GALNT13: variants seen among roughly 807,000 people sequenced by gnomAD.
GALNT13 encodes UDP-GalNAc:polypeptide N-acetylgalactosaminyltransferase 13.
GALNT13 carries 28 observed loss-of-function variants against 64.2 expected under a neutral mutation model. That is an observed-to-expected ratio of 0.44 (90% CI 0.32 to 0.60). The LOEUF (loss-of-function observed/expected upper bound fraction) is 0.60. Ranked by LOEUF, GALNT13 falls within the 20% of genes least tolerant of loss-of-function variation. GALNT13 has a pLI of 0.05. For synonymous variants in GALNT13, 214 were observed against 224.6 expected, an observed-to-expected ratio of 0.95 and a Z score of 0.42; for missense variants, 577 against 669.8, an observed-to-expected ratio of 0.86 and a Z score of 1.53.
At chr2:153,919,158 T>G (rs915703767) in intron 2 of GALNT13, among the ~76,000 whole-genome samples, 3 of 152,128 alleles carry the variant, frequency 2.0e-5, no homozygotes, top group African/African-American at 7.2e-5. Flanking sequence ...GTGCTTATCT[T>G]TCTTAAAATA....
At chr2:154,245,503 C>A (rs1689732183) in intron 6 of GALNT13, among the ~76,000 whole-genome samples, 1 of 152,130 alleles carries the variant, frequency 6.6e-6, no homozygotes. Context: ...AATCTCAAAG[C>A]AGCTCTACTA....
At chr2:153,195,008 A>T in the GALNT13 span, among the ~76,000 whole-genome samples, 1 of 152,112 alleles carries the variant, frequency 6.6e-6, no homozygotes, top group Non-Finnish European at 1.5e-5. Context: ...CGGGTGGTAT[A>T]TGTTGGCATT....
At position 154,040,383 on chromosome 2, in the gene GALNT13, C is replaced by T. The variant is rs531249752; in HGVS notation, c.142+95744C>T. Among the ~76,000 whole-genome samples, 35 of 140,754 alleles carry T rather than the reference C, an allele frequency of 2.5e-4. 7 individuals are homozygous for T. The South Asian group carries it at 7.9e-3, about 32-fold the overall frequency. The allele number at this position is 140,754 out of a possible 152,430, so 92.3% of individuals were successfully genotyped here. On this transcript the variant is annotated intron_variant, in intron 3 of 12. Transcript: ENST00000392825. Reference sequence around the variant, plus strand: ...TTTTGGTGCACTGAGTAGAATACATCGTGATTATGAAATGTTTTCATTGGG... The same window carrying T: ...TTTTGGTGCACTGAGTAGAATACATTGTGATTATGAAATGTTTTCATTGGG...
At chr2:153,800,311 A>T in the GALNT13 span, among the ~76,000 whole-genome samples, 1 of 152,170 alleles carries the variant, frequency 6.6e-6, no homozygotes, top group Non-Finnish European at 1.5e-5. Context: ...AATAATAAAA[A>T]ATCCTAATGA....
the GALNT13 span, among the ~76,000 whole-genome samples, chr2:153,176,359 G>T: frequency 6.6e-6 from 1 of 152,200 alleles, no homozygotes; most frequent in Non-Finnish European, 1.5e-5. Context: ...AAGGGAGATT[G>T]AAAGAGACAA....
intron 4 of GALNT13, among the ~76,000 whole-genome samples, chr2:154,232,986 A>G (rs1689002907): frequency 6.7e-6 from 1 of 149,794 alleles, no homozygotes; most frequent in Admixed American, 6.7e-5. Flanking sequence ...GTGGCAGTGA[A>G]TCAATATCTT....
the GALNT13 span, among the ~76,000 whole-genome samples, chr2:153,467,233 AT>A: frequency 3.3e-5 from 5 of 152,032 alleles, no homozygotes; most frequent in African/African-American, 1.2e-4. Context: ...GGGCTATATA[AT>A]TGGACAAGTT....
At chr2:153,229,298 A>C in the GALNT13 span, among the ~76,000 whole-genome samples, 2 of 152,196 alleles carry the variant, frequency 1.3e-5, no homozygotes, top group African/African-American at 4.8e-5. Context: ...GAAGCTTGTG[A>C]CATTTGGCCA....
At chr2:154,417,524 T>TATTTATTTA (rs1559143591) in intron 11 of GALNT13, among the ~76,000 whole-genome samples, 4 of 150,060 alleles carry the variant, frequency 2.7e-5, no homozygotes, top group Non-Finnish European at 5.9e-5. Context: ...TTTATTTATT[T>TATTTATTTA]TTTTGAGGCG....
chr2:153,828,103 G>T, the GALNT13 span, among the ~76,000 whole-genome samples: 1 of 152,318 alleles, frequency 6.6e-6, no homozygotes, highest in South Asian at 2.1e-4. Context: ...GCTTTGCAGG[G>T]TACAGCCTCC....
the GALNT13 span, among the ~76,000 whole-genome samples, chr2:153,291,854 G>A: frequency 1.3e-5 from 2 of 151,876 alleles, no homozygotes. Context: ...CCTACCATTC[G>A]ATTGAATTGA....
chr2:154,009,065 A>T (rs1265082703), intron 3 of GALNT13, among the ~76,000 whole-genome samples: 1 of 152,106 alleles, frequency 6.6e-6, no homozygotes, highest in Non-Finnish European at 1.5e-5. Flanking sequence ...CCAACTGTGT[A>T]TATAGTATAG....
At chr2:153,406,228 CTTCT>C in the GALNT13 span, among the ~76,000 whole-genome samples, 1 of 151,994 alleles carries the variant, frequency 6.6e-6, no homozygotes, top group South Asian at 2.1e-4. Context: ...AACTTGGAGG[CTTCT>C]TTATCTTTTA....
chr2:153,167,765 A>G, the GALNT13 span, among the ~76,000 whole-genome samples: 1 of 152,212 alleles, frequency 6.6e-6, no homozygotes, highest in Admixed American at 6.5e-5. Flanking sequence ...AAGCCTTAGA[A>G]AAAGGCTGCT....
At chr2:153,646,877 G>T in the GALNT13 span, among the ~76,000 whole-genome samples, 2 of 152,034 alleles carry the variant, frequency 1.3e-5, no homozygotes, top group East Asian at 3.9e-4. Context: ...TGGACATTTG[G>T]GTTGGTTCCA....
the GALNT13 span, among the ~76,000 whole-genome samples, chr2:153,380,725 C>G: frequency 3.3e-5 from 5 of 152,066 alleles, no homozygotes; most frequent in East Asian, 9.7e-4. Context: ...AATTTAAACT[C>G]CATTTTATGG....
chr2:153,177,844 T>C, the GALNT13 span, among the ~76,000 whole-genome samples: 7 of 152,286 alleles, frequency 4.6e-5, no homozygotes, highest in South Asian at 1.5e-3. Context: ...ATTGAGGCAT[T>C]ATACCCTTTA....
the GALNT13 span, among the ~76,000 whole-genome samples, chr2:153,206,344 T>C: frequency 6.6e-6 from 1 of 152,228 alleles, no homozygotes; most frequent in African/African-American, 2.4e-5. Context: ...ATTTCATGGC[T>C]AAAGGGCTTT....
At chr2:153,133,217 G>A in the GALNT13 span, among the ~76,000 whole-genome samples, 5 of 152,152 alleles carry the variant, frequency 3.3e-5, no homozygotes, top group Admixed American at 6.6e-5. Context: ...TGATTTGACC[G>A]TGGAGATTAC....
Sources: allele counts gnomAD v4.1 joint callset (sites outside exome capture counted in the v4.1 genomes callset), GRCh38; gene constraint gnomAD v4.1.1; transcripts MANE v1.5; gene names NCBI Gene and HGNC (gene_info 2026-07-23, HGNC 2026-07-21).